Variants in PARD3B observed in about 807,000 individuals in gnomAD.
PARD3B encodes par-3 family cell polarity regulator beta.
PARD3B carries 103 observed loss-of-function variants against 130.2 expected under a neutral mutation model. The ratio of observed to expected loss-of-function variants is 0.79; its 90% CI spans 0.67 to 0.93. The LOEUF is 0.93. Ranked by LOEUF, PARD3B falls within the 40% of genes least tolerant of loss-of-function variation. The pLI is 0.00. For missense variants in PARD3B, 1,609 were observed against 1,499.2 expected, an observed-to-expected ratio of 1.07 and a Z score of -1.21; for synonymous variants, 583 against 553.2, an observed-to-expected ratio of 1.05 and a Z score of -0.76.
intron 11 of PARD3B, among the ~76,000 whole-genome samples, chr2:205,162,863 T>C (rs960260009): frequency 1.3e-5 from 2 of 152,332 alleles, no homozygotes; most frequent in African/African-American, 4.8e-5. Flanking sequence ...TGTTAGATAT[T>C]TTTATGTTCA....
At chr2:205,218,528 C>A (rs1332847864) in intron 15 of PARD3B, among the ~76,000 whole-genome samples, 2 of 151,940 alleles carry the variant, frequency 1.3e-5, no homozygotes, top group African/African-American at 4.8e-5. Flanking sequence ...TCTAAGTATG[C>A]AGAGAGATTG....
intron 20 of PARD3B, among the ~76,000 whole-genome samples, chr2:205,486,093 A>G (rs1222526348): frequency 6.6e-6 from 1 of 152,210 alleles, no homozygotes; most frequent in Non-Finnish European, 1.5e-5. Context: ...ATAAATGTAC[A>G]CATCAGAAAT....
intron 21 of PARD3B, among the ~76,000 whole-genome samples, chr2:205,517,913 G>A (rs13430776): frequency 0.028 from 4,269 of 152,184 alleles, 217 homozygotes; most frequent in African/African-American, 0.099. Flanking sequence ...TCTTAGTCTT[G>A]AGTTGTATTT....
In PARD3B at chr2:205,301,855, AG is replaced by A; in HGVS notation, c.2630+156del. 1 of 1,224,632 alleles carries A rather than the reference AG, an allele frequency of 8.2e-7. No homozygotes were observed. The highest frequency in any genetic ancestry group is 1.2e-6 in the Non-Finnish European group (1 of 827,370). 75.9% of individuals were successfully genotyped at this position (1,224,632 alleles called of 1,614,324 possible). The stretch of plus-strand genomic sequence containing the variant: ...TTCTGTGCTCGTTCTCTTTCTGCAG[AG>A]GCAGAGGAGCTTTTTGGGGAAAGTT... On this transcript the variant is annotated intron_variant, in intron 18 of 22. Transcript: ENST00000406610. This position sits in a 1 kb window ranked among gnomAD's most constrained non-coding sequence, Gnocchi z 5.2.
At position 205,124,342 on chromosome 2, in the gene PARD3B, G is replaced by C; in HGVS notation, c.1181G>C (p.Gly394Ala). 6.3e-7 allele frequency: 1 copy of C among 1,578,036 alleles called. No homozygotes were observed. The highest frequency in any genetic ancestry group is 8.6e-7 in the Non-Finnish European group (1 of 1,161,298). ...IDLKKGPEGL[G>A]FTVVTRDSSI... ...TATACACTAGGCCCTGAAGGACTTG[G>C]TTTCACTGTGGTTACCAGAGACTCT... is the stretch of plus-strand genomic sequence containing the variant. The change falls in exon 9 of 23, where the codon GGT becomes GCT. Residue 394 changes from glycine to alanine, a missense_variant. Physicochemically the swap from Gly to Ala is moderately conservative, Grantham distance 60. Transcript: ENST00000406610.
intron 6 of PARD3B, among the ~76,000 whole-genome samples, chr2:205,115,795 G>A (rs1204982136): frequency 1.3e-5 from 2 of 152,010 alleles, no homozygotes; most frequent in African/African-American, 2.4e-5. Flanking sequence ...TGAGCACAGG[G>A]GCTTCGTTAA....
chr2:205,158,966 T>C lies in PARD3B; in HGVS notation c.1620+59T>C. The stretch of plus-strand genomic sequence containing the variant: ...AAGGCACTTGGAGATGTGACTGTTG[T>C]ACTTAGAGACTGAATGGAGAAAGTG... On this transcript the variant is annotated intron_variant, in intron 11 of 22. Transcript: ENST00000406610. This position sits in a 1 kb window ranked among gnomAD's most constrained non-coding sequence, Gnocchi z 5.4. 1.9e-6 allele frequency: 3 copies of C among 1,567,266 alleles called. No homozygotes were observed. In the South Asian group the frequency reaches 3.4e-5, roughly 18 times the overall value.
rs149277853 is a variant in PARD3B at position 205,178,932 on chromosome 2, C to A, written c.1924+2355C>A. On this transcript the variant is annotated intron_variant, in intron 13 of 22. Coordinates refer to ENST00000406610, the MANE Select transcript of PARD3B (RefSeq NM_001302769.2). The stretch of plus-strand genomic sequence containing the variant: ...TTTTAAAAAAGGTAACTGTAAACAG[C>A]CTCAGGCAGTTCCTTTAGGAGGTAT... Among the ~76,000 whole-genome samples the A allele has an allele frequency of 5.4e-3, 824 of 152,220 alleles. 4 individuals are homozygous for A. The highest frequency in any genetic ancestry group is 8.7e-3 in the Non-Finnish European group (594 of 68,020).
chr2:205,049,504 A>T (rs535025179), intron 4 of PARD3B, among the ~76,000 whole-genome samples: 1 of 152,076 alleles, frequency 6.6e-6, no homozygotes, highest in African/African-American at 2.4e-5. Flanking sequence ...ACAATTCAAG[A>T]TGTGATTTGT....
chr2:205,601,270 T>A (rs947729936), intron 22 of PARD3B, among the ~76,000 whole-genome samples: 1 of 152,230 alleles, frequency 6.6e-6, no homozygotes, highest in African/African-American at 2.4e-5. Flanking sequence ...TGACCTTTTT[T>A]CTCATATGTT....
intron 16 of PARD3B, among the ~76,000 whole-genome samples, chr2:205,260,487 G>A (rs888099806): frequency 1.3e-5 from 2 of 152,062 alleles, no homozygotes; most frequent in Admixed American, 1.3e-4. Flanking sequence ...TTATAAGTTT[G>A]GTAATTTCCA....
intron 2 of PARD3B, among the ~76,000 whole-genome samples, chr2:204,917,650 T>G (rs1394853318): frequency 6.6e-6 from 1 of 152,206 alleles, no homozygotes; most frequent in African/African-American, 2.4e-5. Flanking sequence ...AATTTAGGAA[T>G]AGAATACTAA....
chr2:204,710,058 A>G (rs2038359546), intron 2 of PARD3B, among the ~76,000 whole-genome samples: 1 of 152,224 alleles, frequency 6.6e-6, no homozygotes, highest in Admixed American at 6.5e-5. Context: ...TCGTAGAGTT[A>G]CCTGTCTATT....
At chr2:204,905,618 T>A (rs190262229) in intron 2 of PARD3B, among the ~76,000 whole-genome samples, 1 of 152,150 alleles carries the variant, frequency 6.6e-6, no homozygotes, top group Non-Finnish European at 1.5e-5. Context: ...TTTTTCCCTC[T>A]GGAATGACCT....
chr2:204,911,408 G>C lies in PARD3B; in HGVS notation c.223-53744G>C, dbSNP rs151091596. Among the ~76,000 whole-genome samples, 332 of 152,288 alleles carry C rather than the reference G, an allele frequency of 2.2e-3. 2 individuals are homozygous for C. The highest frequency in any genetic ancestry group is 7.7e-3 in the African/African-American group (321 of 41,560). On this transcript the variant is annotated intron_variant, in intron 2 of 22. Transcript: ENST00000406610. ...GTTCACCTGACTAACAAATTGTATA[G>C]AAAACACTAGTTGCTGGAAACCAGG...
intron 19 of PARD3B, among the ~76,000 whole-genome samples, chr2:205,436,747 T>C (rs965201428): frequency 6.6e-6 from 1 of 152,106 alleles, no homozygotes; most frequent in Non-Finnish European, 1.5e-5. Flanking sequence ...GGTTTTCTGT[T>C]TTGGGAGAGC....
In PARD3B at chr2:205,269,632, C is replaced by T; in HGVS notation, c.2185+23810C>T. On this transcript the variant is annotated intron_variant, in intron 16 of 22. Transcript: ENST00000406610. The surrounding 1 kb of genome is among the most constrained non-coding windows in gnomAD (Gnocchi z 4.7). ...AAAAATGCATTACTCTGTGACAAGG[C>T]ATAATTAGTAATTTCCCACTGAACT... Among the ~76,000 whole-genome samples the T allele has an allele frequency of 6.6e-6, 1 of 152,106 alleles. No individual in the cohort carries two copies. The highest frequency in any genetic ancestry group is 1.9e-4 in the East Asian group (1 of 5,192).
intron 15 of PARD3B, among the ~76,000 whole-genome samples, chr2:205,237,879 T>A (rs2125906519): frequency 6.6e-6 from 1 of 152,360 alleles, no homozygotes; most frequent in African/African-American, 2.4e-5. Flanking sequence ...TATTTAGACC[T>A]GTCCCAGAAT....
intron 13 of PARD3B, among the ~76,000 whole-genome samples, chr2:205,178,918 G>T (rs550464657): frequency 6.6e-5 from 10 of 152,148 alleles, no homozygotes; most frequent in African/African-American, 1.7e-4. Flanking sequence ...TTTAAAAAAG[G>T]TAACTGTAAA....
Sources: allele counts gnomAD v4.1 joint callset (sites outside exome capture counted in the v4.1 genomes callset), GRCh38; gene constraint gnomAD v4.1.1; non-coding constraint Gnocchi (gnomAD v3.1); transcripts MANE v1.5; gene names NCBI Gene and HGNC (gene_info 2026-07-23, HGNC 2026-07-21).